NPHP3: variants seen among roughly 807,000 people sequenced by gnomAD.
The protein encoded by NPHP3 is nephrocystin 3.
NPHP3 carries 123 observed loss-of-function variants against 171.9 expected under a neutral mutation model. The ratio of observed to expected loss-of-function variants is 0.72; its 90% CI spans 0.62 to 0.83. The LOEUF is 0.83. Among genes scored for constraint, NPHP3 ranks in the 40% least tolerant of loss-of-function variants. The probability of loss-of-function intolerance (pLI) is 0.00; values close to 1 mark genes in which losing one functional copy is unlikely to be tolerated. For synonymous variants in NPHP3, 558 were observed against 579.2 expected (o/e 0.96, Z 0.52); for missense variants, 1,506 against 1,591.9 (o/e 0.95, Z 0.92).
intron 3 of NPHP3, 30 bp downstream of exon 3, chr3:132,718,964 G>C (rs1323339502): frequency 2.5e-6 from 4 of 1,612,264 alleles, no homozygotes. Flanking sequence ...CATGTTGAAA[G>C]CTCAAAATAT....
At chr3:132,715,280 A>C in intron 4 of NPHP3, 62 bp from the exon 5 acceptor site, 1 of 1,439,620 alleles carries the variant, frequency 6.9e-7, no homozygotes, top group Non-Finnish European at 9.8e-7. Flanking sequence ...TCATTCTAAA[A>C]AAGTTTTAAA....
chr3:132,706,175 T>C lies in NPHP3; in HGVS notation c.1276-361A>G, dbSNP rs9862339. ...GAGATCAAGACCATCCTGGCTAACA[T>C]GGTGAAACCCCATCTCTACTAAAAA... On this transcript the variant is annotated intron_variant, in intron 7 of 26. Transcript: ENST00000337331. 2.2e-3 allele frequency among the ~76,000 whole-genome samples: 339 copies of C among 152,018 alleles called. 2 individuals carry two copies. Among genetic ancestry groups the C allele is most frequent in the East Asian group, 8.7e-3 (45 of 5,174 alleles).
chr3:132,688,038 A>G (rs541132596), intron 21 of NPHP3, among the ~76,000 whole-genome samples: 1 of 152,190 alleles, frequency 6.6e-6, no homozygotes, highest in African/African-American at 2.4e-5. Context: ...GGCCCCATAA[A>G]GGTTGAACAT....
At position 132,721,963 on chromosome 3, in the gene NPHP3, C is replaced by G. The variant is rs757835884; in HGVS notation, c.393G>C (p.Gln131His). The change falls in exon 1 of 27, where the codon CAG becomes CAC. Residue 131 changes from glutamine (Q) to histidine (H), a missense_variant and splice_region_variant. Transcript: ENST00000337331. ...GCGTCGCGGCCCAGCCCGGCGTTAC[C>G]TGCAGTTCGGCCCGCAGCCGCTTGT... ...TENKRLRAEL[Q>H]ALQKTYQKIL... 6.8e-6 allele frequency: 11 copies of G among 1,612,442 alleles called. No homozygotes were observed. The African/African-American group carries it at 1.2e-4, about 18-fold the overall frequency.
intron 1 of NPHP3, 26 bp downstream of exon 1, chr3:132,721,918 TGCTTCCCAAGGGTCTCCCG>T: frequency 6.2e-7 from 1 of 1,603,648 alleles, no homozygotes; most frequent in Non-Finnish European, 8.5e-7. Flanking sequence ...AGGACGGCCG[TGCTTCCCAAGGGTCTCCCG>T]GCGTCGCGGC....
intron 6 of NPHP3, chr3:132,712,389 G>A (rs1340164374): frequency 2.2e-6 from 1 of 456,498 alleles, no homozygotes; most frequent in Non-Finnish European, 4.4e-6. Flanking sequence ...AGGCCAGATA[G>A]TAAACAACTC....
Position 132,686,376 on chromosome 3 carries a change from G to A in NPHP3, c.3213C>T (p.Ala1071=). 1.9e-6 allele frequency: 3 copies of A among 1,613,946 alleles called. No individual in the cohort carries two copies. Among genetic ancestry groups the A allele is most frequent in the Non-Finnish European group, 2.5e-6 (3 of 1,179,952 alleles). Residue 1071 remains alanine (A), a synonymous_variant, in exon 23 of 27, where the codon GCC becomes GCT. Transcript: ENST00000337331. ...IKKKGNLYGF[A]LLRRRALQLE... ...ACTGTAAAGCCCGTCTACGTAAAAG[G>A]GCAAATCCGTACTGCAGCAAACATG...
chr3:132,717,037 G>C, intron 3 of NPHP3, 128 bp from the exon 4 acceptor site: 2 of 1,060,182 alleles, frequency 1.9e-6, no homozygotes, highest in Non-Finnish European at 2.7e-6. Flanking sequence ...AAATGATTTT[G>C]AAAATACTTT....
intron 13 of NPHP3, among the ~76,000 whole-genome samples, chr3:132,698,231 G>A (rs950950434): frequency 6.6e-6 from 1 of 151,638 alleles, no homozygotes; most frequent in African/African-American, 2.4e-5. Context: ...CACCCGCCTC[G>A]GCCTCCCAAA....
At chr3:132,701,967 A>G (rs554381000) in intron 9 of NPHP3, among the ~76,000 whole-genome samples, 1 of 152,302 alleles carries the variant, frequency 6.6e-6, no homozygotes, top group African/African-American at 2.4e-5. Context: ...TGGAGCTTGC[A>G]GTGAGCCGAG....
rs1268192545 is a variant in NPHP3 at position 132,719,115 on chromosome 3, A to AATTTCATT, written c.541_548dup (p.Gln184MetfsTer7). 1.2e-6 allele frequency: 2 copies of AATTTCATT among 1,612,666 alleles called. No homozygotes were observed. The highest frequency in any genetic ancestry group is 1.7e-6 in the Non-Finnish European group (2 of 1,179,454). ...CCCTCTTGGCCCTCAGTAAGTCCTG[A>AATTTCATT]ATTTCATTTTCTTTGGTCTCCCTAA... On this transcript the variant is annotated frameshift_variant, in exon 3 of 27. Coordinates refer to ENST00000337331, the MANE Select transcript of NPHP3 (RefSeq NM_153240.5). LOFTEE classifies it high-confidence loss of function.
At chr3:132,686,499 T>C in intron 22 of NPHP3, 112 bp from the exon 23 acceptor site, 1 of 1,193,828 alleles carries the variant, frequency 8.4e-7, no homozygotes, top group Non-Finnish European at 1.2e-6. Context: ...TTAATCTAGA[T>C]AACTATTATT....
intron 22 of NPHP3, 123 bp downstream of exon 22, chr3:132,687,028 G>A: frequency 1.6e-6 from 1 of 615,648 alleles, no homozygotes; most frequent in Non-Finnish European, 2.9e-6. Context: ...ATGTTAAGTA[G>A]TTCTCTTCTA....
chr3:132,682,627 C>T (rs1397918382), intron 26 of NPHP3, 76 bp downstream of exon 26: 6 of 881,416 alleles, frequency 6.8e-6, no homozygotes, highest in Admixed American at 1.8e-5. Flanking sequence ...TTCAGTAATA[C>T]ATATTTTGTG....
At chr3:132,683,084 C>G (rs541883860) in intron 25 of NPHP3, among the ~76,000 whole-genome samples, 9 of 152,166 alleles carry the variant, frequency 5.9e-5, no homozygotes, top group Admixed American at 5.9e-4. Context: ...CAATGGCTCC[C>G]CCACCTGATT....
chr3:132,682,592 C>A, intron 26 of NPHP3, 111 bp downstream of exon 26: 1 of 717,120 alleles, frequency 1.4e-6, no homozygotes, highest in Middle Eastern at 2.6e-4. Flanking sequence ...CAAAAAACAA[C>A]CCCTCCCCAC....
At chr3:132,696,254 T>C (rs1939451178) in intron 15 of NPHP3, among the ~76,000 whole-genome samples, 1 of 152,146 alleles carries the variant, frequency 6.6e-6, no homozygotes, top group Non-Finnish European at 1.5e-5. Flanking sequence ...GAAATAAAAG[T>C]AGTGATACTC....
Position 132,694,862 on chromosome 3 carries a change from T to C in NPHP3, c.2275A>G (p.Met759Val), listed in dbSNP as rs1185827848. ...AGCTCTTTATCCACATCATTTGCCATGGACTCCCGGATAGAGTGCAGAACA... is the reference window on the plus strand; with the variant it reads ...AGCTCTTTATCCACATCATTTGCCACGGACTCCCGGATAGAGTGCAGAACA... Reference protein sequence around the residue: ...RLVLHSIRESMANDVDKELMK... With the variant: ...RLVLHSIRESVANDVDKELMK... Residue 759 changes from methionine (M) to valine (V), a missense_variant, in exon 16 of 27, where the codon ATG (methionine) becomes GTG (valine). This residue lies in a region of NPHP3 where 930 missense variants were observed against 924.9 expected (regional missense o/e 1.01). Coordinates refer to ENST00000337331, the MANE Select transcript of NPHP3 (RefSeq NM_153240.5). 1 of 1,613,780 alleles carries C rather than the reference T, an allele frequency of 6.2e-7. No homozygotes were observed. The highest frequency in any genetic ancestry group is 8.5e-7 in the Non-Finnish European group (1 of 1,179,928).
intron 16 of NPHP3, 152 bp from the exon 17 acceptor site, chr3:132,692,970 ACACAC>A (rs1939338257): frequency 1.5e-6 from 1 of 680,598 alleles, no homozygotes; most frequent in African/African-American, 1.8e-5. Context: ...ATTTATTAAA[ACACAC>A]TGTCCAAAAG....
Sources: allele counts gnomAD v4.1 joint callset (sites outside exome capture counted in the v4.1 genomes callset), GRCh38; gene constraint gnomAD v4.1.1; regional missense constraint gnomAD v4.1.1; transcripts MANE v1.5; gene names NCBI Gene and HGNC (gene_info 2026-07-23, HGNC 2026-07-21).